The following DTNBP1 variants were observed in gnomAD, a reference collection of about 807,000 sequenced individuals.
DTNBP1 encodes dysbindin.
In DTNBP1, 35 loss-of-function variants were observed where a neutral mutation model predicts 42.8. The ratio of observed to expected loss-of-function variants is 0.82; its 90% CI spans 0.63 to 1.09. The LOEUF is 1.09. DTNBP1 is among the 50% of genes least tolerant of loss of function. The pLI is 0.00. For synonymous variants in DTNBP1, 171 were observed against 162.2 expected (o/e 1.05, Z -0.41); for missense variants, 457 against 424.2 (o/e 1.08, Z -0.68).
chr6:15,644,175 TAA>T lies in DTNBP1; in HGVS notation c.162-6373_162-6372del, dbSNP rs35859847. 5.7e-3 allele frequency among the ~76,000 whole-genome samples: 755 copies of T among 132,064 alleles called. 7 individuals are homozygous for T. The highest frequency in any genetic ancestry group is 0.018 in the African/African-American group (633 of 36,088). 86.6% of individuals were successfully genotyped at this position (132,064 alleles called of 152,430 possible). A position where few individuals can be genotyped will look rare whatever the true frequency, so the allele number is the denominator to read the frequency against. On this transcript the variant is annotated intron_variant, in intron 3 of 9. Coordinates refer to ENST00000344537, the MANE Select transcript of DTNBP1 (RefSeq NM_032122.5). ...AAACAAACTTTAAACCAAGAACAGT[TAA>T]AAAAAAAAAAAAAGACAAAGAAGGG... is the stretch of plus-strand genomic sequence containing the variant.
At chr6:15,525,059 C>G (rs1772279821) in intron 8 of DTNBP1, among the ~76,000 whole-genome samples, 1 of 152,222 alleles carries the variant, frequency 6.6e-6, no homozygotes, top group Non-Finnish European at 1.5e-5. Context: ...TACAGGTGCC[C>G]TGAACCTTCC....
Position 15,615,332 on chromosome 6 carries a change from C to A in DTNBP1, c.423G>T (p.Gln141His). Reference sequence around the variant, plus strand: ...TATGTTTGCATCTTTCTAATTCACACTGCCCACATAAGTCTTCCAGATGCA... The same window carrying A: ...TATGTTTGCATCTTTCTAATTCACAATGCCCACATAAGTCTTCCAGATGCA... Reference protein sequence around the residue: ...NLLHLEDLCGQCELERCKHMQ... With the variant: ...NLLHLEDLCGHCELERCKHMQ... Residue 141 changes from glutamine to histidine, a missense_variant, in exon 6 of 10, where the codon CAG (glutamine) becomes CAT (histidine). Transcript: ENST00000344537. The A allele has an allele frequency of 6.2e-7, 1 of 1,614,146 alleles. No individual in the cohort carries two copies. The highest frequency in any genetic ancestry group is 8.5e-7 in the Non-Finnish European group (1 of 1,180,024).
At chr6:15,571,857 C>G (rs1581340994) in intron 7 of DTNBP1, among the ~76,000 whole-genome samples, 1 of 152,276 alleles carries the variant, frequency 6.6e-6, no homozygotes, top group Non-Finnish European at 1.5e-5. Flanking sequence ...AGTTAGTGCT[C>G]ATCCTAACAC....
At chr6:15,660,637 A>G in intron 1 of DTNBP1, 1 of 989,406 alleles carries the variant, frequency 1.0e-6, no homozygotes, top group Non-Finnish European at 1.4e-6. Flanking sequence ...AAGGGGTTCT[A>G]ACTAGATCCC....
At chr6:15,657,190 C>T (rs1196839652) in intron 1 of DTNBP1, among the ~76,000 whole-genome samples, 1 of 152,200 alleles carries the variant, frequency 6.6e-6, no homozygotes, top group East Asian at 1.9e-4. Context: ...GTCCCAAATA[C>T]ATGGCTTCAA....
chr6:15,543,625 T>C (rs1362516020), intron 7 of DTNBP1, among the ~76,000 whole-genome samples: 1 of 152,226 alleles, frequency 6.6e-6, no homozygotes, highest in Non-Finnish European at 1.5e-5. Flanking sequence ...AACCAATATG[T>C]CAGTATGTTC....
intron 7 of DTNBP1, among the ~76,000 whole-genome samples, chr6:15,547,282 G>A (rs1469328440): frequency 6.6e-6 from 1 of 152,162 alleles, no homozygotes; most frequent in Non-Finnish European, 1.5e-5. Context: ...ACATTTGGCA[G>A]CATCAAAATC....
In DTNBP1 at chr6:15,588,169, C is replaced by T. The variant is rs1268195288; in HGVS notation, c.511+4890G>A. Among the ~76,000 whole-genome samples the T allele has an allele frequency of 2.6e-5, 4 of 152,136 alleles. No individual in the cohort carries two copies. In the East Asian group the frequency reaches 5.8e-4, roughly 22 times the overall value. ...ATATTAATTCAGCAATAAAAAGGAACAATATAGTGACTTTTTATTCTACTC... is the reference window on the plus strand; with the variant it reads ...ATATTAATTCAGCAATAAAAAGGAATAATATAGTGACTTTTTATTCTACTC... On this transcript the variant is annotated intron_variant, in intron 7 of 9. Transcript: ENST00000344537.
intron 7 of DTNBP1, among the ~76,000 whole-genome samples, chr6:15,560,288 G>A (rs1029789385): frequency 2.0e-5 from 3 of 151,942 alleles, no homozygotes; most frequent in African/African-American, 4.8e-5. Context: ...CCTGGGCAAC[G>A]GAGCGAGACT....
intron 9 of DTNBP1, chr6:15,523,599 C>G (rs1772095029): frequency 2.3e-6 from 3 of 1,285,654 alleles, no homozygotes; most frequent in African/African-American, 3.1e-5. Context: ...AATTCAGAGA[C>G]ACCACTGCTG....
At chr6:15,650,779 T>C (rs1429849182) in intron 3 of DTNBP1, among the ~76,000 whole-genome samples, 2 of 152,242 alleles carry the variant, frequency 1.3e-5, no homozygotes, top group African/African-American at 2.4e-5. Context: ...TCCTCATATA[T>C]ATGATCTGCA....
chr6:15,657,268 ATCACAAAT>A (rs1165597439), intron 1 of DTNBP1, among the ~76,000 whole-genome samples: 1 of 152,238 alleles, frequency 6.6e-6, no homozygotes, highest in Non-Finnish European at 1.5e-5. Flanking sequence ...CAGCTAGCTC[ATCACAAAT>A]TCACTGTTAA....
intron 1 of DTNBP1, chr6:15,660,259 T>A: frequency 1.2e-6 from 1 of 853,632 alleles, no homozygotes; most frequent in Non-Finnish European, 1.7e-6. Flanking sequence ...TAAACACATG[T>A]GTGCTGTGTT....
rs147735138 is a variant in DTNBP1 at position 15,540,081 on chromosome 6, C to G, written c.512-6686G>C. The stretch of plus-strand genomic sequence containing the variant: ...AGCAACACCAAATATTACCAAGAAC[C>G]AGGACTCACTATGCACTGAAAATCA... On this transcript the variant is annotated intron_variant, in intron 7 of 9. Coordinates refer to ENST00000344537, the MANE Select transcript of DTNBP1 (RefSeq NM_032122.5). Among the ~76,000 whole-genome samples, 664 of 152,232 alleles carry G rather than the reference C, an allele frequency of 4.4e-3. 6 individuals carry two copies. Among genetic ancestry groups the G allele is most frequent in the African/African-American group, 0.015 (631 of 41,540 alleles).
At chr6:15,597,219 G>C (rs1018183093) in intron 6 of DTNBP1, among the ~76,000 whole-genome samples, 2 of 152,160 alleles carry the variant, frequency 1.3e-5, no homozygotes, top group Non-Finnish European at 2.9e-5. Flanking sequence ...ATAGATTATA[G>C]TGCTTTGGTA....
At chr6:15,529,807 C>G (rs1476080774) in intron 8 of DTNBP1, among the ~76,000 whole-genome samples, 4 of 152,280 alleles carry the variant, frequency 2.6e-5, no homozygotes, top group Non-Finnish European at 4.4e-5. Flanking sequence ...GCAGTCATGT[C>G]AGGCAGAAGA....
chr6:15,627,752 T>A (rs867557755), intron 4 of DTNBP1, among the ~76,000 whole-genome samples: 1 of 151,218 alleles, frequency 6.6e-6, no homozygotes, highest in African/African-American at 2.4e-5. Flanking sequence ...AAGTATACCC[T>A]GTTTTAAGCA....
intron 5 of DTNBP1, among the ~76,000 whole-genome samples, chr6:15,626,225 G>A (rs577035864): frequency 5.9e-5 from 9 of 152,228 alleles, no homozygotes; most frequent in African/African-American, 1.9e-4. Context: ...CTGTAAATTG[G>A]GAATAATAAA....
chr6:15,527,905 G>A (rs2098125061), intron 8 of DTNBP1, among the ~76,000 whole-genome samples: 1 of 152,094 alleles, frequency 6.6e-6, no homozygotes, highest in African/African-American at 2.4e-5. Context: ...ACGAGAAATA[G>A]TAAATCTCTA....
Sources: gnomAD v4.1 joint callset for allele counts (sites outside exome capture counted in the v4.1 genomes callset) on GRCh38, gnomAD v4.1.1 for gene constraint, MANE v1.5 for transcripts, NCBI Gene and HGNC (gene_info 2026-07-23, HGNC 2026-07-21) for gene names.